The following XKR9 variants were observed in gnomAD, a reference collection of about 807,000 sequenced individuals.
XKR9 encodes the protein XK related 9, also known as XK-related protein 9.
Under a neutral mutation model 32.0 loss-of-function variants are expected in XKR9, and 32 were observed. The observed-to-expected ratio is 1.00, with a 90% confidence interval of 0.76 to 1.34. The LOEUF (loss-of-function observed/expected upper bound fraction) is 1.34, where lower values mean the gene tolerates loss of function less well. Ranked by LOEUF, XKR9 falls within the 40% of genes most tolerant of loss-of-function variation. The pLI, the probability that XKR9 is intolerant of heterozygous loss-of-function variation, is 0.00. For missense variants in XKR9, 546 were observed against 429.7 expected (o/e 1.27, Z -2.39); for synonymous variants, 168 against 143.4 (o/e 1.17, Z -1.22).
At chr8:70,776,313 G>A (rs1807519646) in intron 2 of XKR9, among the ~76,000 whole-genome samples, 1 of 152,032 alleles carries the variant, frequency 6.6e-6, no homozygotes, top group South Asian at 2.1e-4. Context: ...CAAGGAATAT[G>A]TCTGTTTCAA....
At chr8:70,899,695 C>G in the XKR9 span, among the ~76,000 whole-genome samples, 1 of 152,070 alleles carries the variant, frequency 6.6e-6, no homozygotes, top group Non-Finnish European at 1.5e-5. Context: ...TACGCTTGCT[C>G]CTTTTGGCTG....
At chr8:70,794,795 G>T (rs559785072), downstream of XKR9, among the ~76,000 whole-genome samples, 1 of 145,978 alleles carries the variant, frequency 6.9e-6, no homozygotes, top group Non-Finnish European at 1.5e-5. Flanking sequence ...GTCTATATTC[G>T]TACGATATAA....
At chr8:70,982,986 C>T in the XKR9 span, among the ~76,000 whole-genome samples, 2 of 152,346 alleles carry the variant, frequency 1.3e-5, no homozygotes, top group East Asian at 3.9e-4. Context: ...TGTCAGCTGT[C>T]ACTCATGTGT....
At chr8:70,846,174 C>T in the XKR9 span, among the ~76,000 whole-genome samples, 1 of 151,968 alleles carries the variant, frequency 6.6e-6, no homozygotes, top group Non-Finnish European at 1.5e-5. Context: ...GAAAAACTGC[C>T]AGCCAAGAAA....
the XKR9 span, among the ~76,000 whole-genome samples, chr8:71,011,984 T>G: frequency 6.6e-6 from 1 of 152,236 alleles, no homozygotes; most frequent in African/African-American, 2.4e-5. Context: ...TTAGCTGGTA[T>G]CCCACCCTAC....
intron 2 of XKR9, among the ~76,000 whole-genome samples, chr8:70,762,053 C>T (rs1400686711): frequency 6.6e-6 from 1 of 152,080 alleles, no homozygotes; most frequent in Non-Finnish European, 1.5e-5. Flanking sequence ...TTCCATTGGT[C>T]TACGTGTCTG....
the XKR9 span, among the ~76,000 whole-genome samples, chr8:70,988,750 G>T: frequency 6.6e-6 from 1 of 152,182 alleles, no homozygotes; most frequent in Non-Finnish European, 1.5e-5. Context: ...TATTGACATT[G>T]TTGTGCAAGA....
chr8:70,895,903 G>A, the XKR9 span, among the ~76,000 whole-genome samples: 1 of 152,032 alleles, frequency 6.6e-6, no homozygotes, highest in Non-Finnish European at 1.5e-5. Flanking sequence ...GGGGGCGGGC[G>A]GTGTTGAGGC....
intron 2 of XKR9, among the ~76,000 whole-genome samples, chr8:70,764,475 A>C (rs1807348678): frequency 1.3e-5 from 2 of 152,216 alleles, no homozygotes; most frequent in African/African-American, 4.8e-5. Context: ...CAAAGAAAAG[A>C]ATAAGCTTTC....
At chr8:70,770,823 A>G (rs1237073466) in intron 2 of XKR9, among the ~76,000 whole-genome samples, 2 of 152,206 alleles carry the variant, frequency 1.3e-5, no homozygotes, top group Non-Finnish European at 1.5e-5. Context: ...GAGAATTTCC[A>G]GCCTGTGATC....
At chr8:71,030,390 C>A in the XKR9 span, among the ~76,000 whole-genome samples, 1 of 152,026 alleles carries the variant, frequency 6.6e-6, no homozygotes, top group Admixed American at 6.6e-5. Flanking sequence ...GCAAGTAACA[C>A]CTTTAAGTTA....
chr8:70,968,354 T>C, the XKR9 span, among the ~76,000 whole-genome samples: 2 of 152,186 alleles, frequency 1.3e-5, no homozygotes, highest in Admixed American at 1.3e-4. Context: ...TTATTGTGAT[T>C]CTTAGCTTCT....
chr8:70,776,397 T>C (rs1174051491), intron 2 of XKR9, among the ~76,000 whole-genome samples: 1 of 152,140 alleles, frequency 6.6e-6, no homozygotes, highest in Non-Finnish European at 1.5e-5. Flanking sequence ...AGGATCTTAG[T>C]GATATTTCTT....
At chr8:70,802,096 C>G in the XKR9 span, among the ~76,000 whole-genome samples, 3 of 151,926 alleles carry the variant, frequency 2.0e-5, no homozygotes, top group Non-Finnish European at 4.4e-5. Context: ...ACCACCACGC[C>G]CGGCTATTTT....
rs374810480 is a variant in XKR9, at chr8:70,753,717, G to A, written n.353-35622G>A. 9.2e-5 allele frequency among the ~76,000 whole-genome samples: 14 copies of A among 151,730 alleles called. No individual in the cohort carries two copies. The East Asian group carries it at 2.1e-3, about 23-fold the overall frequency. Reference sequence around the variant, plus strand: ...AAGGCCTTTGACAAAATTCAACAACGCTTCATGCTAAAAACTCTCAATAAA... The same window carrying A: ...AAGGCCTTTGACAAAATTCAACAACACTTCATGCTAAAAACTCTCAATAAA... On this transcript the variant is annotated intron_variant and non_coding_transcript_variant, in intron 2 of 3. Coordinates refer to the XKR9 transcript ENST00000520273.
intron 2 of XKR9, among the ~76,000 whole-genome samples, chr8:70,783,497 T>C (rs1413361758): frequency 6.6e-6 from 1 of 152,132 alleles, no homozygotes; most frequent in Non-Finnish European, 1.5e-5. Flanking sequence ...TGTGTATGTC[T>C]TCTTTTGAGA....
the XKR9 span, among the ~76,000 whole-genome samples, chr8:70,846,333 AT>A: frequency 6.6e-6 from 1 of 152,112 alleles, no homozygotes; most frequent in Non-Finnish European, 1.5e-5. Context: ...TGAAAAGATG[AT>A]ATATACCATC....
chr8:70,852,014 A>C, the XKR9 span, among the ~76,000 whole-genome samples: 2 of 152,260 alleles, frequency 1.3e-5, no homozygotes, highest in African/African-American at 4.8e-5. Context: ...GAATGTGGGA[A>C]AATTTTTGCA....
intron 3 of XKR9, among the ~76,000 whole-genome samples, chr8:70,687,038 C>T (rs1387858849): frequency 6.6e-6 from 1 of 152,084 alleles, no homozygotes; most frequent in Non-Finnish European, 1.5e-5. Context: ...GTTATGTTAT[C>T]AAATGCTAGA....
Sources: gnomAD v4.1 joint callset for allele counts (sites outside exome capture counted in the v4.1 genomes callset) on GRCh38, gnomAD v4.1.1 for gene constraint, MANE v1.5 for transcripts, NCBI Gene and HGNC (gene_info 2026-07-23, HGNC 2026-07-21) for gene names.